NFIA: variants seen among roughly 807,000 people sequenced by gnomAD.
NFIA encodes nuclear factor 1 A-type.
In NFIA, 8 loss-of-function variants were observed where a neutral mutation model predicts 62.8. That is an observed-to-expected ratio of 0.13 (90% CI 0.07 to 0.23). The LOEUF is 0.23. Ranked by LOEUF, NFIA falls within the 10% of genes least tolerant of loss-of-function variation. The pLI is 1.00. For synonymous variants in NFIA, 235 were observed against 238.1 expected (o/e 0.99, Z 0.12); for missense variants, 410 against 642.1 (o/e 0.64, Z 3.91).
intron 9 of NFIA, among the ~76,000 whole-genome samples, chr1:61,413,409 T>G (rs1448854505): frequency 6.6e-6 from 1 of 152,060 alleles, no homozygotes; most frequent in Non-Finnish European, 1.5e-5. Flanking sequence ...GGTCAGGATT[T>G]CATAGGCAAG....
chr1:61,392,851 T>C (rs1665049988), intron 7 of NFIA, among the ~76,000 whole-genome samples: 1 of 152,218 alleles, frequency 6.6e-6, no homozygotes, highest in Non-Finnish European at 1.5e-5. Context: ...GGATTTAAAC[T>C]CATCTTCACA....
At chr1:61,352,090 A>C (rs970275580) in intron 4 of NFIA, among the ~76,000 whole-genome samples, 2 of 152,250 alleles carry the variant, frequency 1.3e-5, no homozygotes, top group Non-Finnish European at 2.9e-5. Context: ...AGAAGCTGTC[A>C]GGATCAGATA....
At chr1:61,283,672 T>C (rs541418417) in intron 3 of NFIA, among the ~76,000 whole-genome samples, 2 of 151,374 alleles carry the variant, frequency 1.3e-5, no homozygotes, top group South Asian at 4.2e-4. Context: ...AATTTCTTTT[T>C]CTCTTTTTTG....
At chr1:61,368,588 G>A (rs1663720389) in intron 6 of NFIA, among the ~76,000 whole-genome samples, 2 of 152,180 alleles carry the variant, frequency 1.3e-5, no homozygotes, top group South Asian at 4.1e-4. Flanking sequence ...CTAACTCATA[G>A]CTTTGAAAAG....
At chr1:61,209,407 T>C (rs1228008017) in intron 2 of NFIA, among the ~76,000 whole-genome samples, 1 of 152,178 alleles carries the variant, frequency 6.6e-6, no homozygotes, top group Non-Finnish European at 1.5e-5. Context: ...AAAATTTATT[T>C]TTCCATATAA....
chr1:61,178,488 A>G (rs1650545983), intron 2 of NFIA, among the ~76,000 whole-genome samples: 1 of 152,150 alleles, frequency 6.6e-6, no homozygotes, highest in East Asian at 1.9e-4. Context: ...CTCCTTTCAT[A>G]TAGGAGGAGC....
At chr1:61,404,978 T>C (rs1353260690) in intron 8 of NFIA, among the ~76,000 whole-genome samples, 2 of 152,388 alleles carry the variant, frequency 1.3e-5, no homozygotes, top group African/African-American at 4.8e-5. Flanking sequence ...TAGGATTAGA[T>C]GTTTACAGTG....
chr1:61,185,317 G>T (rs1651092099), intron 2 of NFIA, among the ~76,000 whole-genome samples: 1 of 152,080 alleles, frequency 6.6e-6, no homozygotes, highest in Non-Finnish European at 1.5e-5. Context: ...ACTGGAATAA[G>T]TATAAAATGC....
chr1:61,226,244 G>C (rs537105128), intron 2 of NFIA, among the ~76,000 whole-genome samples: 6 of 152,326 alleles, frequency 3.9e-5, no homozygotes, highest in Admixed American at 3.9e-4. Context: ...AGCCTGGGAA[G>C]TAACATGTGC....
At chr1:61,326,959 A>T (rs1450644252) in intron 3 of NFIA, among the ~76,000 whole-genome samples, 1 of 151,920 alleles carries the variant, frequency 6.6e-6, no homozygotes, top group East Asian at 1.9e-4. Context: ...GTCCCATGCC[A>T]TGGAAAGGAG....
At chr1:61,347,066 G>T (rs907817228) in intron 4 of NFIA, among the ~76,000 whole-genome samples, 15 of 151,994 alleles carry the variant, frequency 9.9e-5, no homozygotes, top group African/African-American at 3.6e-4. Flanking sequence ...TGAGATTTGG[G>T]TGGGGACACA....
chr1:61,095,908 T>C (rs1416575471), intron 2 of NFIA, among the ~76,000 whole-genome samples: 10 of 152,058 alleles, frequency 6.6e-5, no homozygotes, highest in Non-Finnish European at 1.0e-4. Flanking sequence ...CAAGACATAA[T>C]ATATATTTCT....
chr1:61,223,385 T>C (rs1188949150), intron 2 of NFIA, among the ~76,000 whole-genome samples: 6 of 152,006 alleles, frequency 3.9e-5, no homozygotes, highest in Non-Finnish European at 5.9e-5. Context: ...TAATGAAAGG[T>C]GTCACATGCA....
intron 2 of NFIA, among the ~76,000 whole-genome samples, chr1:61,114,319 TAA>T (rs144411885): frequency 3.4e-5 from 5 of 147,694 alleles, no homozygotes; most frequent in African/African-American, 7.7e-5. Context: ...GACCCCATCT[TAA>T]AAAAATTTTT....
In NFIA at chr1:61,184,179, T is replaced by C. The variant is rs536275521; in HGVS notation, c.560-93341T>C. Among the ~76,000 whole-genome samples the C allele has an allele frequency of 1.3e-4, 19 of 149,854 alleles. No individual in the cohort carries two copies. In the South Asian group the frequency reaches 3.8e-3, roughly 30 times the overall value. On this transcript the variant is annotated intron_variant, in intron 2 of 10. Coordinates refer to ENST00000403491, the MANE Select transcript of NFIA (RefSeq NM_001134673.4). ...AAAACAAAACAAAAAACAAAAAACT[T>C]CAGAGGGGAAACTGAGAATGGGACT...
chr1:61,314,073 T>TA (rs1660247374), intron 3 of NFIA, among the ~76,000 whole-genome samples: 1 of 152,254 alleles, frequency 6.6e-6, no homozygotes, highest in South Asian at 2.1e-4. Flanking sequence ...ACTTTATTGT[T>TA]ATTGTTATTC....
intron 4 of NFIA, among the ~76,000 whole-genome samples, chr1:61,333,068 T>TAC (rs34809808): frequency 0.015 from 2,053 of 132,632 alleles, 19 homozygotes; most frequent in African/African-American, 0.035. Flanking sequence ...CACACACACA[T>TAC]ACACACACAC....
chr1:61,317,029 T>A (rs1660400935), intron 3 of NFIA, among the ~76,000 whole-genome samples: 1 of 152,158 alleles, frequency 6.6e-6, no homozygotes, highest in Non-Finnish European at 1.5e-5. Flanking sequence ...CTAAAAAAAT[T>A]TAAATAACTT....
At chr1:61,392,185 A>G (rs1023430013) in intron 7 of NFIA, among the ~76,000 whole-genome samples, 1 of 152,056 alleles carries the variant, frequency 6.6e-6, no homozygotes, top group African/African-American at 2.4e-5. Flanking sequence ...ATGGGATTTG[A>G]AGTTGCAGGA....
Sources: gnomAD v4.1 joint callset for allele counts (sites outside exome capture counted in the v4.1 genomes callset) on GRCh38, gnomAD v4.1.1 for gene constraint, MANE v1.5 for transcripts, NCBI Gene and HGNC (gene_info 2026-07-23, HGNC 2026-07-21) for gene names.